The following PLCB3 variants were observed in gnomAD, a reference collection of about 807,000 sequenced individuals.
PLCB3 encodes phospholipase C beta 3, also known as 1-phosphatidylinositol 4,5-bisphosphate phosphodiesterase beta-3.
A neutral mutation model predicts 152.1 loss-of-function variants in PLCB3; 54 were observed. The ratio of observed to expected loss-of-function variants is 0.36; its 90% CI spans 0.29 to 0.45. PLCB3 has a LOEUF of 0.45. Ranked by LOEUF, PLCB3 falls within the 20% of genes least tolerant of loss-of-function variation. The pLI is 1.00. For missense variants in PLCB3, 1,248 were observed against 1,687.5 expected (o/e 0.74, Z 4.56); for synonymous variants, 717 against 698.7 (o/e 1.03, Z -0.41).
chr11:64,260,604 T>C (rs1038168887), intron 14 of PLCB3, among the ~76,000 whole-genome samples: 1 of 151,502 alleles, frequency 6.6e-6, no homozygotes, highest in African/African-American at 2.4e-5. Context: ...CTGTGAGGAA[T>C]GGTACAGAAA....
rs773377714 is a variant in PLCB3, at chr11:64,255,831, C to T, written c.698+10C>T. The T allele has an allele frequency of 6.3e-7, 1 of 1,575,358 alleles. No homozygotes were observed. Among genetic ancestry groups the T allele is most frequent in the Non-Finnish European group, 8.7e-7 (1 of 1,144,662 alleles). ...AGATCCTGCTGGAGATGTGAGTGGGCCCGGCCTGCCTCACAACCCCTGTGC... is the reference window on the plus strand; with the variant it reads ...AGATCCTGCTGGAGATGTGAGTGGGTCCGGCCTGCCTCACAACCCCTGTGC... On this transcript the variant is annotated intron_variant, in intron 8 of 30. Coordinates refer to ENST00000279230, the MANE Select transcript of PLCB3 (RefSeq NM_000932.5). This position sits in a 1 kb window ranked among gnomAD's most constrained non-coding sequence, Gnocchi z 6.8.
intron 2 of PLCB3, 83 bp from the exon 3 acceptor site, chr11:64,254,665 C>T: frequency 6.7e-7 from 1 of 1,503,250 alleles, no homozygotes; most frequent in Non-Finnish European, 9.2e-7. Flanking sequence ...CTGGCCATTC[C>T]CTGGCCTGGG....
rs781050534 is a variant in PLCB3, at chr11:64,262,553, C to T, written c.2185C>T (p.Arg729Trp). The T allele has an allele frequency of 6.8e-6, 11 of 1,613,544 alleles. No homozygotes were observed. The highest frequency in any genetic ancestry group is 2.7e-5 in the African/African-American group (2 of 74,936). Residue 729 changes from arginine to tryptophan, a missense_variant, in exon 18 of 31, where the codon CGG becomes TGG. Around this residue, in one of 6 missense-constraint regions of PLCB3, gnomAD observed 244 missense variants for 424.4 expected, o/e 0.57. Coordinates refer to ENST00000279230, the MANE Select transcript of PLCB3 (RefSeq NM_000932.5). Reference sequence around the variant, plus strand: ...GGATGGCATCGTGGCCAATGCCTTGCGGGTCAAGGTGGGGCTTGCGGGCGG... The same window carrying T: ...GGATGGCATCGTGGCCAATGCCTTGTGGGTCAAGGTGGGGCTTGCGGGCGG... Reference protein sequence around the residue: ...IVDGIVANALRVKVISGQFLS... With the variant: ...IVDGIVANALWVKVISGQFLS...
At chr11:64,259,932 A>T in intron 13 of PLCB3, 97 bp from the exon 14 acceptor site, 1 of 1,000,154 alleles carries the variant, frequency 1.0e-6, no homozygotes, top group South Asian at 1.5e-5. Context: ...TGAATTCCCC[A>T]CTGAGTCACC....
intron 14 of PLCB3, 42 bp from the exon 15 acceptor site, chr11:64,261,358 G>C: frequency 7.0e-7 from 1 of 1,437,774 alleles, no homozygotes; most frequent in Non-Finnish European, 9.8e-7. Flanking sequence ...ATGGCCAGCT[G>C]TGGCGGGAAT....
intron 22 of PLCB3, among the ~76,000 whole-genome samples, chr11:64,264,496 A>G (rs1186300443): frequency 1.3e-5 from 2 of 152,122 alleles, no homozygotes; most frequent in East Asian, 1.9e-4. Flanking sequence ...GGCCTGCGGC[A>G]GGCGGGCGGG....
chr11:64,265,557 T>C, intron 25 of PLCB3, 55 bp downstream of exon 25: 1 of 1,523,422 alleles, frequency 6.6e-7, no homozygotes, highest in Non-Finnish European at 8.8e-7. Context: ...GATGTGAACA[T>C]GGGGGTCGGT....
chr11:64,265,309 GA>G lies in PLCB3; in HGVS notation c.2843del (p.Glu948GlyfsTer65). 1 of 1,582,318 alleles carries G rather than the reference GA, an allele frequency of 6.3e-7. No homozygotes were observed. Among genetic ancestry groups the G allele is most frequent in the Non-Finnish European group, 8.6e-7 (1 of 1,161,490 alleles). ...RDDLIASILS[E>X]VAPTPLDELR... Reference sequence around the variant, plus strand: ...GCCCACCTTTGCTCTGCCGCTCCCAGAGGTGGCCCCCACCCCGCTGGATGAG... The same window carrying G: ...GCCCACCTTTGCTCTGCCGCTCCCAGGGTGGCCCCCACCCCGCTGGATGAG... On this transcript the variant is annotated frameshift_variant and splice_region_variant, in exon 25 of 31. Coordinates refer to ENST00000279230, the MANE Select transcript of PLCB3 (RefSeq NM_000932.5). LOFTEE classifies it high-confidence loss of function.
In PLCB3 at chr11:64,266,742, C is replaced by T. The variant is rs2855390; in HGVS notation, c.3414+190C>T. ...TCTGTACCAGTGTCCCTGGCTTTGG[C>T]GTCCTTGGGCCCAGTCCTCTCACAA... is the stretch of plus-strand genomic sequence containing the variant. On this transcript the variant is annotated intron_variant, in intron 29 of 30. Transcript: ENST00000279230. The surrounding 1 kb of genome is among the most constrained non-coding windows in gnomAD (Gnocchi z 4.9). Among the ~76,000 whole-genome samples, 2 of 152,130 alleles carry T rather than the reference C, an allele frequency of 1.3e-5. No homozygotes were observed. Among genetic ancestry groups the T allele is most frequent in the African/African-American group, 2.4e-5 (1 of 41,414 alleles).
At position 64,251,550 on chromosome 11, in the gene PLCB3, A is replaced by G. The variant is rs924681003; in HGVS notation, c.-100A>G. ...GGGACAGACTGGCGGGCGGGCGGGC[A>G]CTGACGCCGCGGGGCCGGAGCGGGC... On this transcript the variant is annotated 5_prime_UTR_variant, in exon 1 of 31. Transcript: ENST00000279230. The G allele has an allele frequency of 2.0e-5, 7 of 356,664 alleles. No individual in the cohort carries two copies. The highest frequency in any genetic ancestry group is 6.6e-5 in the African/African-American group (3 of 45,532). The allele number at this position is 356,664 out of a possible 1,614,324, so 22.1% of individuals were successfully genotyped here.
rs149383720 is a variant in PLCB3 at position 64,267,208 on chromosome 11, G to A, written c.3438G>A (p.Arg1146=). The change falls in exon 30 of 31, where the codon CGG becomes CGA. Residue 1146 remains arginine (R), a synonymous_variant. Transcript: ENST00000279230. This position sits in a 1 kb window ranked among gnomAD's most constrained non-coding sequence, Gnocchi z 5.2. ...IRRLEEAQKQ[R]HDRLVAGQQQ... ...AGCTGGAGGAGGCCCAGAAGCAGCG[G>A]CATGACCGTCTTGTGGCTGGGCAGC... The A allele has an allele frequency of 3.8e-4, 584 of 1,550,468 alleles. 1 individual carries two copies. The African/African-American group carries it at 5.9e-3, about 16-fold the overall frequency.
At position 64,266,475 on chromosome 11, in the gene PLCB3, C is replaced by T; in HGVS notation, c.3357-20C>T. On this transcript the variant is annotated intron_variant, in intron 28 of 30. Coordinates refer to ENST00000279230, the MANE Select transcript of PLCB3 (RefSeq NM_000932.5). This position sits in a 1 kb window ranked among gnomAD's most constrained non-coding sequence, Gnocchi z 4.9. ...GGCAGGTGTCTGGGCCCCGAGCCATCCTGCGTTGCTCCCGTGCAGGGAACT... is the reference window on the plus strand; with the variant it reads ...GGCAGGTGTCTGGGCCCCGAGCCATTCTGCGTTGCTCCCGTGCAGGGAACT... 1.2e-6 allele frequency: 2 copies of T among 1,613,066 alleles called. No individual in the cohort carries two copies. The highest frequency in any genetic ancestry group is 2.2e-5 in the East Asian group (1 of 44,870).
rs376468213 is a variant in PLCB3, at chr11:64,256,586, C to T, written c.866-32C>T. ...AGGTGGGTGGGGGCAGGTGGGACCC[C>T]AGCTGACCCTGCTGATCCTCTCCCA... On this transcript the variant is annotated intron_variant, in intron 9 of 30. Transcript: ENST00000279230. The T allele has an allele frequency of 1.9e-6, 3 of 1,613,274 alleles. No individual in the cohort carries two copies. The African/African-American group carries it at 4.0e-5, about 22-fold the overall frequency.
rs779223256 is a variant in PLCB3, at chr11:64,267,445, G to T, written c.3594G>T (p.Gly1198=). ...RRSLLGEMPE[G]LGDGPLVACA... ...GCCTGCTGGGCGAGATGCCGGAGGG[G>T]CTGGGGGACGGGCCTCTGGTGGCCT... is the stretch of plus-strand genomic sequence containing the variant. Residue 1198 remains glycine, a synonymous_variant, in exon 31 of 31, where the codon GGG becomes GGT. Coordinates refer to ENST00000279230, the MANE Select transcript of PLCB3 (RefSeq NM_000932.5). The surrounding 1 kb of genome is among the most constrained non-coding windows in gnomAD (Gnocchi z 5.2). 7.1e-6 allele frequency: 11 copies of T among 1,552,530 alleles called. No homozygotes were observed. Among genetic ancestry groups the T allele is most frequent in the Admixed American group, 1.9e-5 (1 of 52,180 alleles).
Position 64,266,397 on chromosome 11 carries a change from AAGG to A in PLCB3, c.3353_3355del (p.Glu1118del). Reference sequence around the variant, plus strand: ...GGCCAAGATGAGGGACAAGCATAAGAAGGAGGCGTAAGGGCACCGGGACCGGGG... The same window carrying A: ...GGCCAAGATGAGGGACAAGCATAAGAAGGCGTAAGGGCACCGGGACCGGGG... On this transcript the variant is annotated inframe_deletion, in exon 28 of 31. Transcript: ENST00000279230. The surrounding 1 kb of genome is among the most constrained non-coding windows in gnomAD (Gnocchi z 4.9). 2 of 1,603,338 alleles carry A rather than the reference AAGG, an allele frequency of 1.2e-6. No individual in the cohort carries two copies. The highest frequency in any genetic ancestry group is 1.7e-6 in the Non-Finnish European group (2 of 1,170,698).
At chr11:64,262,372 C>T in intron 17 of PLCB3, 35 bp from the exon 18 acceptor site, 1 of 1,605,714 alleles carries the variant, frequency 6.2e-7, no homozygotes, top group Non-Finnish European at 8.5e-7. Context: ...CCTGCCTGAT[C>T]CCTGCCCCTG....
chr11:64,267,934 AGT>A (rs2032214764), downstream of PLCB3: 1 of 204,856 alleles, frequency 4.9e-6, no homozygotes, highest in Non-Finnish European at 9.9e-6. This position sits in a 1 kb window ranked among gnomAD's most constrained non-coding sequence, Gnocchi z 5.2. Flanking sequence ...CCCTGTGTGC[AGT>A]GTGATTTGGG....
Position 64,256,356 on chromosome 11 carries a change from C to T in PLCB3, c.699-20C>T. On this transcript the variant is annotated intron_variant, in intron 8 of 30. Transcript: ENST00000279230. ...AGCCCTGCCAGGCTCCATCCTGACC[C>T]AGCTTCCTGTCCCCTCCAGAGGCGC... The T allele has an allele frequency of 1.2e-6, 2 of 1,610,230 alleles. No individual in the cohort carries two copies. The highest frequency in any genetic ancestry group is 2.2e-5 in the East Asian group (1 of 44,864).
Position 64,266,151 on chromosome 11 carries a change from T to C in PLCB3, c.3215T>C (p.Val1072Ala), listed in dbSNP as rs1250630420. Residue 1072 changes from valine to alanine, a missense_variant, in exon 27 of 31, where the codon GTC becomes GCC. Val to Ala is a moderately conservative substitution (Grantham distance 64). This residue lies in a region of PLCB3 where 477 missense variants were observed against 489.6 expected (regional missense o/e 0.97). Coordinates refer to ENST00000279230, the MANE Select transcript of PLCB3 (RefSeq NM_000932.5). This position sits in a 1 kb window ranked among gnomAD's most constrained non-coding sequence, Gnocchi z 4.9. ...RQALQRLREV[V>A]LDANTTQFKR... ...GCTCTGCAGCGGCTCAGGGAGGTCG[T>C]CCTTGATGCAAACACAACTCAGTTC... The C allele has an allele frequency of 6.2e-7, 1 of 1,614,006 alleles. No individual in the cohort carries two copies. Among genetic ancestry groups the C allele is most frequent in the Non-Finnish European group, 8.5e-7 (1 of 1,179,988 alleles).
Sources: allele counts gnomAD v4.1 joint callset (sites outside exome capture counted in the v4.1 genomes callset), GRCh38; gene constraint gnomAD v4.1.1; regional missense constraint gnomAD v4.1.1; non-coding constraint Gnocchi (gnomAD v3.1); transcripts MANE v1.5; gene names NCBI Gene and HGNC (gene_info 2026-07-23, HGNC 2026-07-21).